SLC22A4: variants seen among roughly 807,000 people sequenced by gnomAD.
The protein encoded by SLC22A4 is solute carrier family 22 member 4, also known as ET transporter.
Under a neutral mutation model 56.6 loss-of-function variants are expected in SLC22A4, and 39 were observed. The observed-to-expected ratio is 0.69, with a 90% CI of 0.53 to 0.90. SLC22A4 has a LOEUF of 0.90. SLC22A4 is among the 40% of genes least tolerant of loss of function. The pLI, the probability that SLC22A4 is intolerant of heterozygous loss-of-function variation, is 0.00. For synonymous variants in SLC22A4, 241 were observed against 281.4 expected (o/e 0.86, Z 1.44); for missense variants, 594 against 696.5 (o/e 0.85, Z 1.66).
intron 3 of SLC22A4, among the ~76,000 whole-genome samples, chr5:132,316,158 T>C (rs1282585915): frequency 6.6e-6 from 1 of 152,226 alleles, no homozygotes; most frequent in Non-Finnish European, 1.5e-5. Flanking sequence ...CTCTGCATGA[T>C]AATTTCACAT....
chr5:132,312,707 C>G (rs940466844), intron 2 of SLC22A4, among the ~76,000 whole-genome samples: 11 of 152,254 alleles, frequency 7.2e-5, no homozygotes, highest in African/African-American at 2.7e-4. Flanking sequence ...GGCTTGGACC[C>G]TGGGCCAGGC....
chr5:132,339,026 CA>C lies in SLC22A4; in HGVS notation c.1445-1538del, dbSNP rs1330328063. Among the ~76,000 whole-genome samples the C allele has an allele frequency of 1.3e-5, 2 of 152,196 alleles. 1 individual carries two copies. The highest frequency in any genetic ancestry group is 2.9e-5 in the Non-Finnish European group (2 of 68,046). On this transcript the variant is annotated intron_variant, in intron 8 of 9. Coordinates refer to ENST00000200652, the MANE Select transcript of SLC22A4 (RefSeq NM_003059.3). ...TTATGTTCAGAGATTGCAGTAAAGACAGGCGTAAGAAATTATAAAAGTATTA... is the reference window on the plus strand; with the variant it reads ...TTATGTTCAGAGATTGCAGTAAAGACGGCGTAAGAAATTATAAAAGTATTA...
At chr5:132,296,102 A>G (rs973471149) in intron 1 of SLC22A4, among the ~76,000 whole-genome samples, 2 of 152,192 alleles carry the variant, frequency 1.3e-5, no homozygotes, top group African/African-American at 4.8e-5. Context: ...CTTGCTTGCT[A>G]TGTGACCTGG....
intron 4 of SLC22A4, 74 bp downstream of exon 4, chr5:132,322,429 C>T: frequency 7.0e-7 from 1 of 1,433,584 alleles, no homozygotes; most frequent in Non-Finnish European, 9.8e-7. Context: ...GAGCCTGATG[C>T]TGACCTAGCC....
rs1580843713 is a variant in SLC22A4, at chr5:132,331,862, G to A, written c.1046+12G>A. On this transcript the variant is annotated intron_variant, in intron 6 of 9. Coordinates refer to ENST00000200652, the MANE Select transcript of SLC22A4 (RefSeq NM_003059.3). ...TCTTTGCTGCTATGGTAAGTAATAA[G>A]TGACCTGGAAATGCAGATATCCAGC... The A allele has an allele frequency of 9.8e-6, 15 of 1,536,416 alleles. No homozygotes were observed. In the East Asian group the frequency reaches 3.1e-4, roughly 32 times the overall value.
chr5:132,296,670 C>G (rs1321429747), intron 1 of SLC22A4, among the ~76,000 whole-genome samples: 2 of 152,220 alleles, frequency 1.3e-5, no homozygotes, highest in African/African-American at 4.8e-5. Flanking sequence ...CTTGCCCACT[C>G]CCTGCCCACA....
chr5:132,297,346 C>A (rs577565408), intron 1 of SLC22A4, among the ~76,000 whole-genome samples: 157 of 150,728 alleles, frequency 1.0e-3, no homozygotes, highest in African/African-American at 2.3e-3. Context: ...ACAACAACAA[C>A]AAAAAACTGG....
intron 3 of SLC22A4, 56 bp downstream of exon 3, chr5:132,313,824 G>A: frequency 6.4e-7 from 1 of 1,555,462 alleles, no homozygotes; most frequent in Non-Finnish European, 8.9e-7. Flanking sequence ...GAAAGGCCCA[G>A]AAAGAGGAAA....
intron 8 of SLC22A4, among the ~76,000 whole-genome samples, chr5:132,339,581 A>G (rs979687507): frequency 5.3e-5 from 8 of 152,132 alleles, no homozygotes; most frequent in African/African-American, 1.9e-4. Context: ...CCTAACAAAC[A>G]TATTCTGCAC....
rs909896148 is a variant in SLC22A4, at chr5:132,314,645, A to T, written c.652+877A>T. ...TTATTAATAATACTCCTTTAATAGA[A>T]GTCTAACGATTCTTCTTGCCTCAAA... is the stretch of plus-strand genomic sequence containing the variant. On this transcript the variant is annotated intron_variant, in intron 3 of 9. Transcript: ENST00000200652. Among the ~76,000 whole-genome samples the T allele has an allele frequency of 4.6e-5, 7 of 152,314 alleles. No homozygotes were observed. In the South Asian group the frequency reaches 1.5e-3, roughly 32 times the overall value.
chr5:132,327,430 G>T (rs756131207), intron 5 of SLC22A4, 27 bp downstream of exon 5: 1 of 1,597,106 alleles, frequency 6.3e-7, no homozygotes, highest in South Asian at 1.1e-5. Context: ...GTTTCCTCTT[G>T]AGATCAGCTA....
At chr5:132,321,827 G>A (rs1750549832) in intron 3 of SLC22A4, among the ~76,000 whole-genome samples, 1 of 152,138 alleles carries the variant, frequency 6.6e-6, no homozygotes, top group African/African-American at 2.4e-5. Flanking sequence ...AAGGTCACTT[G>A]AGCTTGGGAG....
chr5:132,340,398 G>GACGGAGT (rs1475359061), intron 8 of SLC22A4, among the ~76,000 whole-genome samples, 167 bp from the exon 9 acceptor site: 2 of 152,128 alleles, frequency 1.3e-5, no homozygotes, highest in Non-Finnish European at 2.9e-5. Context: ...CATGCACAAT[G>GACGGAGT]TCATCTGCCA....
chr5:132,335,807 C>T lies in SLC22A4; in HGVS notation c.1262-11C>T. On this transcript the variant is annotated splice_polypyrimidine_tract_variant and intron_variant, in intron 7 of 9. Coordinates refer to ENST00000200652, the MANE Select transcript of SLC22A4 (RefSeq NM_003059.3). ...AAAAGCACCATTGTTTATACCGGGT[C>T]TCTTTTCCAGATTATTACTTCTTAT... The T allele has an allele frequency of 1.9e-6, 3 of 1,610,810 alleles. No individual in the cohort carries two copies. The highest frequency in any genetic ancestry group is 2.5e-6 in the Non-Finnish European group (3 of 1,177,014).
At chr5:132,328,928 TATAC>T (rs1412883256) in intron 5 of SLC22A4, among the ~76,000 whole-genome samples, 2 of 22,140 alleles carry the variant, frequency 9.0e-5, no homozygotes, top group African/African-American at 7.3e-4. Flanking sequence ...TATATATATA[TATAC>T]ACACACACAC....
In SLC22A4 at chr5:132,334,724, G is replaced by A; in HGVS notation, c.1053G>A (p.Leu351=). ...TTTTACCTTCTTCTTTCAGGATGCT[G>A]ACCTCAGTGGGTTACTTTGCTCTGT... The part of the protein sequence containing the change: ...MTIMSLLLWM[L]TSVGYFALSL... Residue 351 remains leucine, a synonymous_variant, in exon 7 of 10, where the codon CTG becomes CTA. Transcript: ENST00000200652. 6.2e-7 allele frequency: 1 copy of A among 1,611,690 alleles called. No homozygotes were observed. The highest frequency in any genetic ancestry group is 8.5e-7 in the Non-Finnish European group (1 of 1,177,770).
At chr5:132,330,658 G>A (rs746102928) in intron 5 of SLC22A4, among the ~76,000 whole-genome samples, 16 of 152,064 alleles carry the variant, frequency 1.1e-4, no homozygotes, top group African/African-American at 2.2e-4. Flanking sequence ...CCTGGGAGGC[G>A]GAGGTTGCAG....
intron 1 of SLC22A4, chr5:132,295,611 C>A: frequency 3.6e-6 from 1 of 275,992 alleles, no homozygotes; most frequent in South Asian, 3.5e-5. Context: ...AGGGACCTCT[C>A]TGAGCACAGG....
At position 132,294,507 on chromosome 5, in the gene SLC22A4, G is replaced by T. The variant is rs539139764; in HGVS notation, c.-110G>T. 1.3e-6 allele frequency: 2 copies of T among 1,484,072 alleles called. No individual in the cohort carries two copies. The highest frequency in any genetic ancestry group is 4.6e-5 in the East Asian group (2 of 43,498). 91.9% of individuals were successfully genotyped at this position (1,484,072 alleles called of 1,614,324 possible). A position where few individuals can be genotyped will look rare whatever the true frequency, so the allele number is the denominator to read the frequency against. ...CGCCCCAATTTCTAACAGCCTGCCTGTCCCCCGGGAACGTTCTAACATCCT... is the reference window on the plus strand; with the variant it reads ...CGCCCCAATTTCTAACAGCCTGCCTTTCCCCCGGGAACGTTCTAACATCCT... On this transcript the variant is annotated 5_prime_UTR_variant, in exon 1 of 10. Coordinates refer to ENST00000200652, the MANE Select transcript of SLC22A4 (RefSeq NM_003059.3). The surrounding 1 kb of genome is among the most constrained non-coding windows in gnomAD (Gnocchi z 5.6).
Sources: allele counts gnomAD v4.1 joint callset (sites outside exome capture counted in the v4.1 genomes callset), GRCh38; gene constraint gnomAD v4.1.1; non-coding constraint Gnocchi (gnomAD v3.1); transcripts MANE v1.5; gene names NCBI Gene and HGNC (gene_info 2026-07-23, HGNC 2026-07-21).